PTPRD: variants seen among roughly 807,000 people sequenced by gnomAD.
PTPRD encodes the protein protein tyrosine phosphatase receptor type D.
PTPRD carries 34 observed loss-of-function variants against 214.5 expected under a neutral mutation model. The observed-to-expected ratio is 0.16, with a 90% CI of 0.12 to 0.21. The LOEUF (loss-of-function observed/expected upper bound fraction) is 0.21, where lower values mean the gene tolerates loss of function less well. Among genes scored for constraint, PTPRD ranks in the 10% least tolerant of loss-of-function variants. PTPRD has a pLI of 1.00. For missense variants in PTPRD, 2,545 were observed against 2,398.7 expected, an observed-to-expected ratio of 1.06 and a Z score of -1.27; for synonymous variants, 1,128 against 845.7, an observed-to-expected ratio of 1.33 and a Z score of -5.79.
intron 4 of PTPRD, among the ~76,000 whole-genome samples, chr9:10,007,584 C>A (rs2096509847): frequency 6.6e-6 from 1 of 151,902 alleles, no homozygotes; most frequent in South Asian, 2.1e-4. Context: ...GCCTTCTGGT[C>A]ATATGGTTCC....
At chr9:8,768,478 C>T (rs2094936640) in intron 11 of PTPRD, among the ~76,000 whole-genome samples, 3 of 152,040 alleles carry the variant, frequency 2.0e-5, no homozygotes, top group Non-Finnish European at 4.4e-5. Flanking sequence ...CTCTTGAGCC[C>T]AGAGGAGGAG....
intron 11 of PTPRD, among the ~76,000 whole-genome samples, chr9:8,900,209 A>G (rs1298230958): frequency 2.0e-5 from 3 of 152,216 alleles, no homozygotes; most frequent in Non-Finnish European, 4.4e-5. Context: ...ACCTTGGTGA[A>G]AAAGCACCAT....
intron 9 of PTPRD, among the ~76,000 whole-genome samples, chr9:9,272,508 C>G (rs1408975295): frequency 6.6e-6 from 1 of 151,184 alleles, no homozygotes; most frequent in African/African-American, 2.4e-5. Flanking sequence ...CTGAGCCAAA[C>G]TTGGTGGAAT....
At chr9:10,204,232 C>T (rs1282577058) in intron 3 of PTPRD, among the ~76,000 whole-genome samples, 1 of 152,052 alleles carries the variant, frequency 6.6e-6, no homozygotes, top group African/African-American at 2.4e-5. Context: ...AGATTTCCTC[C>T]TCCACGTGAA....
chr9:9,129,782 A>T (rs1234380969), intron 10 of PTPRD, among the ~76,000 whole-genome samples: 1 of 152,178 alleles, frequency 6.6e-6, no homozygotes, highest in East Asian at 1.9e-4. Context: ...TTGACATTGT[A>T]GTTATTTGTC....
At chr9:8,718,930 T>C (rs182378824) in intron 12 of PTPRD, among the ~76,000 whole-genome samples, 1 of 152,266 alleles carries the variant, frequency 6.6e-6, no homozygotes, top group Non-Finnish European at 1.5e-5. Context: ...GCTTTTGATT[T>C]ATAAGCACCA....
chr9:8,860,148 A>C (rs1297530928), intron 11 of PTPRD: 1 of 152,236 alleles, frequency 6.6e-6, no homozygotes, highest in African/African-American at 2.4e-5. Flanking sequence ...AGAGAAACAG[A>C]AAGTTTTAAA....
rs2098240526 is a variant in PTPRD, at chr9:8,707,803, GA to G, written c.64+25976del. 3.3e-5 allele frequency among the ~76,000 whole-genome samples: 5 copies of G among 152,292 alleles called. No individual in the cohort carries two copies. In the South Asian group the frequency reaches 1.0e-3, roughly 32 times the overall value. Reference sequence around the variant, plus strand: ...TTTCAATAACCTTTTCCTCAAGCAAGAAACCATATAATGCATACCACAGTGT... The same window carrying G: ...TTTCAATAACCTTTTCCTCAAGCAAGAACCATATAATGCATACCACAGTGT... On this transcript the variant is annotated intron_variant, in intron 12 of 45. Coordinates refer to ENST00000381196, the MANE Select transcript of PTPRD (RefSeq NM_002839.4).
At chr9:10,400,085 G>C (rs185081435) in intron 2 of PTPRD, among the ~76,000 whole-genome samples, 6 of 151,910 alleles carry the variant, frequency 3.9e-5, no homozygotes, top group African/African-American at 1.4e-4. Context: ...CTCCGATATA[G>C]TGGTTAAGCA....
At chr9:9,180,914 C>G (rs1315657027) in intron 10 of PTPRD, among the ~76,000 whole-genome samples, 1 of 152,028 alleles carries the variant, frequency 6.6e-6, no homozygotes, top group Non-Finnish European at 1.5e-5. Context: ...TGAAAAGAGC[C>G]AGGTAGATTT....
chr9:8,968,740 T>G (rs191628105), intron 11 of PTPRD, among the ~76,000 whole-genome samples: 5 of 152,160 alleles, frequency 3.3e-5, no homozygotes, highest in Non-Finnish European at 7.4e-5. Flanking sequence ...TTGTCTTAAT[T>G]ACTATACTGT....
intron 5 of PTPRD, among the ~76,000 whole-genome samples, chr9:9,859,798 T>A (rs2153687926): frequency 6.6e-6 from 1 of 152,294 alleles, no homozygotes; most frequent in East Asian, 1.9e-4. Flanking sequence ...GTAATTTGTT[T>A]TGGGGGAAGC....
At chr9:8,841,869 G>A (rs2097565157) in intron 11 of PTPRD, among the ~76,000 whole-genome samples, 1 of 152,012 alleles carries the variant, frequency 6.6e-6, no homozygotes, top group Non-Finnish European at 1.5e-5. Context: ...AAATTAGCCA[G>A]GTGTGGTGGC....
chr9:10,596,572 G>C (rs1385253125), intron 2 of PTPRD, among the ~76,000 whole-genome samples: 3 of 151,542 alleles, frequency 2.0e-5, no homozygotes, highest in Non-Finnish European at 4.4e-5. Flanking sequence ...TTATGGAATG[G>C]CATAATTTAA....
chr9:8,496,433 C>A (rs1484168873), intron 26 of PTPRD, among the ~76,000 whole-genome samples: 1 of 152,164 alleles, frequency 6.6e-6, no homozygotes, highest in Non-Finnish European at 1.5e-5. Context: ...CTTCCCTAGC[C>A]ACTTAGAATG....
intron 9 of PTPRD, among the ~76,000 whole-genome samples, chr9:9,295,114 T>C (rs1454840048): frequency 6.6e-6 from 1 of 151,714 alleles, no homozygotes; most frequent in Admixed American, 6.6e-5. Context: ...TGGCTCACAA[T>C]GAAAAGCTGG....
At chr9:8,724,707 G>T (rs1256641563) in intron 12 of PTPRD, among the ~76,000 whole-genome samples, 2 of 152,088 alleles carry the variant, frequency 1.3e-5, no homozygotes, top group African/African-American at 2.4e-5. Flanking sequence ...GCCAAGGTGG[G>T]TGGAGAGCTT....
At chr9:10,509,027 T>C (rs1311181979) in intron 2 of PTPRD, among the ~76,000 whole-genome samples, 3 of 152,060 alleles carry the variant, frequency 2.0e-5, no homozygotes, top group Non-Finnish European at 4.4e-5. Flanking sequence ...TTTGAACCCA[T>C]GGCTAAAGGA....
intron 3 of PTPRD, among the ~76,000 whole-genome samples, chr9:10,324,295 A>T (rs747314735): frequency 1.3e-5 from 2 of 152,058 alleles, no homozygotes; most frequent in Non-Finnish European, 2.9e-5. Context: ...AACAAATAGT[A>T]TCAATGCAGA....
Sources: gnomAD v4.1 joint callset for allele counts (sites outside exome capture counted in the v4.1 genomes callset) on GRCh38, gnomAD v4.1.1 for gene constraint, MANE v1.5 for transcripts, NCBI Gene and HGNC (gene_info 2026-07-23, HGNC 2026-07-21) for gene names.